Variants in TMEM108 observed in about 807,000 individuals in gnomAD.
TMEM108 encodes the protein transmembrane protein 108.
A neutral mutation model predicts 35.1 loss-of-function variants in TMEM108; 12 were observed. The observed-to-expected ratio is 0.34, with a 90% confidence interval of 0.22 to 0.55. The LOEUF (loss-of-function observed/expected upper bound fraction) is 0.55, where lower values mean the gene tolerates loss of function less well. Among genes scored for constraint, TMEM108 ranks in the 20% least tolerant of loss-of-function variants. The pLI is 0.89. For synonymous variants in TMEM108, 287 were observed against 308.6 expected (o/e 0.93, Z 0.73); for missense variants, 680 against 753.3 (o/e 0.90, Z 1.14).
rs562114967 is a variant in TMEM108 at position 133,370,852 on chromosome 3, G to C, written c.41-8900G>C. 4.8e-5 allele frequency among the ~76,000 whole-genome samples: 7 copies of C among 146,788 alleles called. No homozygotes were observed. The South Asian group carries it at 1.5e-3, about 32-fold the overall frequency. ...ATATAACAGCCTCCAGCTTTATTCCGTCTGTTTCCCCAGCCCATAGTGTGT... is the reference window on the plus strand; with the variant it reads ...ATATAACAGCCTCCAGCTTTATTCCCTCTGTTTCCCCAGCCCATAGTGTGT... On this transcript the variant is annotated intron_variant, in intron 3 of 5. Coordinates refer to ENST00000321871, the MANE Select transcript of TMEM108 (RefSeq NM_023943.4).
chr3:133,081,560 T>C lies in TMEM108; in HGVS notation c.-47+35540T>C, dbSNP rs1943811103. On this transcript the variant is annotated intron_variant, in intron 2 of 5. Transcript: ENST00000321871. Reference sequence around the variant, plus strand: ...CCATTCCTTCAATCCATTCTTGCTATATGGAATATAGATCTGTCACATTTC... The same window carrying C: ...CCATTCCTTCAATCCATTCTTGCTACATGGAATATAGATCTGTCACATTTC... Among the ~76,000 whole-genome samples, 3 of 152,196 alleles carry C rather than the reference T, an allele frequency of 2.0e-5. No homozygotes were observed. In the South Asian group the frequency reaches 6.2e-4, roughly 32 times the overall value.
chr3:133,297,531 T>C (rs1463209023), intron 3 of TMEM108, among the ~76,000 whole-genome samples: 1 of 152,154 alleles, frequency 6.6e-6, no homozygotes, highest in African/African-American at 2.4e-5. Context: ...AACTGAGATT[T>C]ACCTGGGGGT....
intron 2 of TMEM108, among the ~76,000 whole-genome samples, chr3:133,142,868 A>G (rs550243076): frequency 2.9e-4 from 44 of 152,286 alleles, no homozygotes; most frequent in African/African-American, 1.0e-3. Flanking sequence ...CCCTAGTTGT[A>G]GTATGTTGTC....
chr3:133,335,326 A>C (rs2071471162), intron 3 of TMEM108, among the ~76,000 whole-genome samples: 1 of 152,192 alleles, frequency 6.6e-6, no homozygotes, highest in African/African-American at 2.4e-5. Context: ...AAATAAAACA[A>C]ATATATTTTT....
chr3:133,122,442 C>T (rs376624309), intron 2 of TMEM108, among the ~76,000 whole-genome samples: 20 of 152,060 alleles, frequency 1.3e-4, no homozygotes, highest in African/African-American at 4.1e-4. Flanking sequence ...GTGTTAGTTA[C>T]GCAGGGATAC....
intron 3 of TMEM108, among the ~76,000 whole-genome samples, chr3:133,262,825 T>A (rs561724618): frequency 1.3e-5 from 2 of 152,368 alleles, no homozygotes; most frequent in Admixed American, 6.5e-5. Context: ...AAAGAGTTGC[T>A]TTGCAGAAAT....
chr3:133,309,010 G>C (rs1281581131), intron 3 of TMEM108, among the ~76,000 whole-genome samples: 1 of 151,954 alleles, frequency 6.6e-6, no homozygotes, highest in Non-Finnish European at 1.5e-5. Context: ...TTTGGTTGGT[G>C]GGCTATTAAT....
intron 3 of TMEM108, among the ~76,000 whole-genome samples, chr3:133,377,370 G>A (rs1427086394): frequency 6.6e-6 from 1 of 152,202 alleles, no homozygotes; most frequent in Non-Finnish European, 1.5e-5. Flanking sequence ...GGGCAGGATA[G>A]GGGCACCAGA....
At chr3:133,135,331 G>A (rs547949912) in intron 2 of TMEM108, among the ~76,000 whole-genome samples, 1 of 152,260 alleles carries the variant, frequency 6.6e-6, no homozygotes, top group African/African-American at 2.4e-5. Context: ...TTAGAGGTTA[G>A]GACAAAGTGT....
chr3:133,149,864 A>C (rs1944773019), intron 2 of TMEM108, among the ~76,000 whole-genome samples: 1 of 152,098 alleles, frequency 6.6e-6, no homozygotes, highest in Non-Finnish European at 1.5e-5. Context: ...TACATAAAGG[A>C]ATGCTATTTT....
intron 2 of TMEM108, among the ~76,000 whole-genome samples, chr3:133,226,843 A>T (rs1946078639): frequency 1.3e-5 from 2 of 152,206 alleles, no homozygotes; most frequent in African/African-American, 4.8e-5. Flanking sequence ...TTACAAAAGA[A>T]AGAGGTTTAA....
chr3:133,210,008 G>A (rs2107837879), intron 2 of TMEM108, among the ~76,000 whole-genome samples: 1 of 152,264 alleles, frequency 6.6e-6, no homozygotes, highest in South Asian at 2.1e-4. Context: ...AGCTCATGTT[G>A]CTTAAAACTT....
intron 2 of TMEM108, among the ~76,000 whole-genome samples, chr3:133,108,848 TG>T (rs1362052944): frequency 2.3e-5 from 2 of 86,426 alleles, no homozygotes; most frequent in East Asian, 4.0e-4. Context: ...GGGGTGAGGG[TG>T]GGGGGAGGGA....
At chr3:133,120,500 A>G (rs769928911) in intron 2 of TMEM108, among the ~76,000 whole-genome samples, 2 of 152,178 alleles carry the variant, frequency 1.3e-5, no homozygotes, top group Non-Finnish European at 2.9e-5. Flanking sequence ...GCCTGGTTCA[A>G]ATCCTTTCCC....
At chr3:133,393,475 T>C (rs1315776956) in intron 5 of TMEM108, among the ~76,000 whole-genome samples, 1 of 152,206 alleles carries the variant, frequency 6.6e-6, no homozygotes, top group Non-Finnish European at 1.5e-5. Flanking sequence ...TAGTAAATGT[T>C]TATCATGTGA....
chr3:133,158,215 A>G (rs941563112), intron 2 of TMEM108, among the ~76,000 whole-genome samples: 1 of 152,144 alleles, frequency 6.6e-6, no homozygotes, highest in Admixed American at 6.5e-5. Context: ...CACACCTGTA[A>G]TCCCAGCACT....
At chr3:133,156,458 C>G (rs117351035) in intron 2 of TMEM108, among the ~76,000 whole-genome samples, 361 of 152,264 alleles carry the variant, frequency 2.4e-3, no homozygotes, top group South Asian at 0.019. Flanking sequence ...ATTTGTACCA[C>G]AATAGCCTTT....
chr3:133,390,751 C>CA (rs11453699), intron 5 of TMEM108, among the ~76,000 whole-genome samples: 129,668 of 152,044 alleles, frequency 0.85, 56,651 homozygotes, highest in East Asian at 0.99. Context: ...AACACAAACA[C>CA]AGACGAGTTA....
At chr3:133,129,146 A>G (rs1016887736) in intron 2 of TMEM108, among the ~76,000 whole-genome samples, 1 of 152,116 alleles carries the variant, frequency 6.6e-6, no homozygotes, top group Non-Finnish European at 1.5e-5. Flanking sequence ...GGAGTTCAAG[A>G]ACAGCCTGGC....
Sources: gnomAD v4.1 joint callset for allele counts (sites outside exome capture counted in the v4.1 genomes callset) on GRCh38, gnomAD v4.1.1 for gene constraint, MANE v1.5 for transcripts, NCBI Gene and HGNC (gene_info 2026-07-23, HGNC 2026-07-21) for gene names.